The following PAPLN variants were observed in gnomAD, a reference collection of about 807,000 sequenced individuals.
PAPLN encodes papilin.
A neutral mutation model predicts 159.0 loss-of-function variants in PAPLN; 146 were observed. That is an observed-to-expected ratio of 0.92 (90% CI 0.80 to 1.05). The LOEUF is 1.05. PAPLN is among the 50% of genes least tolerant of loss of function. The pLI, the probability that PAPLN is intolerant of heterozygous loss-of-function variation, is 0.00. For missense variants in PAPLN, 1,720 were observed against 1,743.9 expected (o/e 0.99, Z 0.24); for synonymous variants, 734 against 702.9 (o/e 1.04, Z -0.70).
chr14:73,251,668 G>A lies in PAPLN; in HGVS notation c.675G>A (p.Val225=), dbSNP rs1305591940. Residue 225 remains valine (V), a synonymous_variant, in exon 9 of 27, where the codon GTG becomes GTA. Coordinates refer to ENST00000644200, the MANE Select transcript of PAPLN (RefSeq NM_001365906.3). Reference sequence around the variant, plus strand: ...GAGGCGGTCTCCTCTGCGCAGCTGTGAAGAATGTTCGTGGGGAATACTACC... The same window carrying A: ...GAGGCGGTCTCCTCTGCGCAGCTGTAAAGAATGTTCGTGGGGAATACTACC... The part of the protein sequence containing the change: ...EAAASRNFLA[V]KNVRGEYYLN... 3.1e-6 allele frequency: 5 copies of A among 1,613,528 alleles called. No homozygotes were observed. The highest frequency in any genetic ancestry group is 1.7e-6 in the Non-Finnish European group (2 of 1,179,996).
At chr14:73,271,082 C>CT (rs1019175146) in intron 26 of PAPLN, among the ~76,000 whole-genome samples, 28 of 152,232 alleles carry the variant, frequency 1.8e-4, no homozygotes, top group African/African-American at 6.7e-4. Flanking sequence ...GCTTAAGCAA[C>CT]TTGCCCAGAG....
chr14:73,258,293 C>T (rs1886154258), intron 14 of PAPLN, among the ~76,000 whole-genome samples: 1 of 152,058 alleles, frequency 6.6e-6, no homozygotes, highest in Non-Finnish European at 1.5e-5. Flanking sequence ...TGTTGAGTAT[C>T]TTTTTACGTG....
Position 73,245,909 on chromosome 14 carries a change from G to GGC in PAPLN, c.232-163_232-162dup. On this transcript the variant is annotated intron_variant, in intron 4 of 26. Coordinates refer to ENST00000644200, the MANE Select transcript of PAPLN (RefSeq NM_001365906.3). The surrounding 1 kb of genome is among the most constrained non-coding windows in gnomAD (Gnocchi z 4.2). ...TCCACAGCCTAGAGCACCATGGAGG[G>GGC]GCACGCACAGGAGTTCGGGGGTCCG... 3 of 873,490 alleles carry GGC rather than the reference G, an allele frequency of 3.4e-6. No individual in the cohort carries two copies. The highest frequency in any genetic ancestry group is 5.1e-6 in the Non-Finnish European group (3 of 589,132). 54.1% of individuals were successfully genotyped at this position (873,490 alleles called of 1,614,324 possible).
rs371697848 is a variant in PAPLN, at chr14:73,260,807, G to C, written c.2084G>C (p.Arg695Thr). Residue 695 changes from arginine to threonine, a missense_variant, in exon 17 of 27, where the codon AGG (arginine) becomes ACG (threonine). Arg to Thr is a moderately conservative substitution (Grantham distance 71). Transcript: ENST00000644200. ...YGGDSTGGMP[R>T]SRAVASTVHN... Reference sequence around the variant, plus strand: ...GGTGACAGCACCGGGGGCATGCCCAGGTCAAGGGCAGTGGCTTCTACAGTA... The same window carrying C: ...GGTGACAGCACCGGGGGCATGCCCACGTCAAGGGCAGTGGCTTCTACAGTA... 1.3e-6 allele frequency: 2 copies of C among 1,495,396 alleles called. No homozygotes were observed. Among genetic ancestry groups the C allele is most frequent in the African/African-American group, 1.4e-5 (1 of 70,648 alleles). The allele number at this position is 1,495,396 out of a possible 1,614,324, so 92.6% of individuals were successfully genotyped here.
chr14:73,264,064 C>A (rs759046612), intron 20 of PAPLN, 147 bp from the exon 21 acceptor site: 5 of 1,548,454 alleles, frequency 3.2e-6, no homozygotes, highest in Non-Finnish European at 4.3e-6. Flanking sequence ...ACAGCCTCCC[C>A]TGAAGCATAT....
At position 73,273,132 on chromosome 14, in the gene PAPLN, A is replaced by G. The variant is rs1364107576; in HGVS notation, c.*468A>G. ...GTAGCTAGGATTACAGATGCCTATC[A>G]CCATGCCTGGGTAATTTTTGTATTT... On this transcript the variant is annotated 3_prime_UTR_variant, in exon 27 of 27. Transcript: ENST00000644200. 1 of 151,888 alleles carries G rather than the reference A, an allele frequency of 6.6e-6. No homozygotes were observed. Among genetic ancestry groups the G allele is most frequent in the Non-Finnish European group, 1.5e-5 (1 of 68,232 alleles). The allele number at this position is 151,888 out of a possible 1,614,324, so 9.4% of individuals were successfully genotyped here.
Position 73,251,577 on chromosome 14 carries a change from A to G in PAPLN, c.670+11A>G, listed in dbSNP as rs1566682476. ...GCAGGAACTTCCTGGGTGAGAGCCTAGGGTTAGGTCCTAGGCAGGTCTGGG... is the reference window on the plus strand; with the variant it reads ...GCAGGAACTTCCTGGGTGAGAGCCTGGGGTTAGGTCCTAGGCAGGTCTGGG... On this transcript the variant is annotated intron_variant, in intron 8 of 26. Transcript: ENST00000644200. The G allele has an allele frequency of 6.2e-7, 1 of 1,613,136 alleles. No homozygotes were observed. Among genetic ancestry groups the G allele is most frequent in the East Asian group, 2.2e-5 (1 of 44,876 alleles).
At chr14:73,241,305 C>T (rs1048453190) in intron 2 of PAPLN, among the ~76,000 whole-genome samples, 5 of 152,342 alleles carry the variant, frequency 3.3e-5, no homozygotes, top group Non-Finnish European at 7.4e-5. Context: ...TCCTTCACCA[C>T]GTGCTGGTGG....
chr14:73,238,253 G>A (rs998870716), intron 1 of PAPLN, among the ~76,000 whole-genome samples: 1 of 152,210 alleles, frequency 6.6e-6, no homozygotes, highest in African/African-American at 2.4e-5. Context: ...GCCGCCTTCG[G>A]CCCTAGCTCA....
Position 73,261,171 on chromosome 14 carries a change from C to A in PAPLN, c.2122C>A (p.Gln708Lys). 6.2e-7 allele frequency: 1 copy of A among 1,614,166 alleles called. No homozygotes were observed. The highest frequency in any genetic ancestry group is 8.5e-7 in the Non-Finnish European group (1 of 1,180,036). The change falls in exon 18 of 27, where the codon CAG (glutamine) becomes AAG (lysine). Residue 708 changes from glutamine (Q) to lysine (K), a missense_variant. Transcript: ENST00000644200. Reference protein sequence around the residue: ...AVASTVHNTHQPQAQQNEPSE... With the variant: ...AVASTVHNTHKPQAQQNEPSE... Reference sequence around the variant, plus strand: ...TCCTCCCCAGGTCCACAACACCCACCAGCCCCAGGCCCAGCAGAATGAGCC... The same window carrying A: ...TCCTCCCCAGGTCCACAACACCCACAAGCCCCAGGCCCAGCAGAATGAGCC...
chr14:73,246,538 TTTTC>T (rs1417803615), intron 5 of PAPLN, among the ~76,000 whole-genome samples: 2 of 150,398 alleles, frequency 1.3e-5, no homozygotes, highest in African/African-American at 2.4e-5. Flanking sequence ...AGGTCTCTCT[TTTTC>T]TTTATCTTTT....
intron 10 of PAPLN, 44 bp downstream of exon 10, chr14:73,252,185 C>A: frequency 6.5e-7 from 1 of 1,528,426 alleles, no homozygotes; most frequent in Non-Finnish European, 8.8e-7. Flanking sequence ...GCCCTGTGTG[C>A]TGGATCCCAC....
chr14:73,256,481 G>A (rs7493181), intron 14 of PAPLN, among the ~76,000 whole-genome samples: 80,954 of 146,632 alleles, frequency 0.55, 22,726 homozygotes, highest in East Asian at 0.71. Context: ...GCAGTGAGCC[G>A]AGATCACGCC....
chr14:73,254,939 C>G lies in PAPLN; in HGVS notation c.1548C>G (p.Pro516=), dbSNP rs1451183833. 1.9e-6 allele frequency: 3 copies of G among 1,613,574 alleles called. No individual in the cohort carries two copies. In the South Asian group the frequency reaches 3.3e-5, roughly 18 times the overall value. The change falls in exon 14 of 27, where the codon CCC becomes CCG. Residue 516 remains proline, a synonymous_variant. Transcript: ENST00000644200. ...RRQVICAIGP[P]SHCGSLQHSK... ...AGGTCATCTGTGCCATTGGGCCGCCCAGCCACTGCGGGAGCCTGCAGCACT... is the reference window on the plus strand; with the variant it reads ...AGGTCATCTGTGCCATTGGGCCGCCGAGCCACTGCGGGAGCCTGCAGCACT...
chr14:73,252,749 T>A lies in PAPLN; in HGVS notation c.1068T>A (p.Asn356Lys), dbSNP rs762035854. Residue 356 changes from asparagine to lysine, a missense_variant, in exon 11 of 27, where the codon AAT (asparagine) becomes AAA (lysine). Transcript: ENST00000644200. The stretch of plus-strand genomic sequence containing the variant: ...GGCCAGCTGACCGGCGTTCCTGCAA[T>A]CTTCACCCTTGCCCGGAGACCAAGC... ...QPRPADRRSC[N>K]LHPCPETKRW... 24 of 1,613,422 alleles carry A rather than the reference T, an allele frequency of 1.5e-5. No homozygotes were observed. Among genetic ancestry groups the A allele is most frequent in the Non-Finnish European group, 2.0e-5 (24 of 1,180,004 alleles).
intron 14 of PAPLN, among the ~76,000 whole-genome samples, chr14:73,257,412 G>GA (rs1886040248): frequency 1.3e-5 from 2 of 151,098 alleles, no homozygotes; most frequent in South Asian, 2.1e-4. Flanking sequence ...ATTATTTCAG[G>GA]GGGGGTCCTA....
Position 73,263,653 on chromosome 14 carries a change from T to G in PAPLN, c.2732T>G (p.Leu911Trp). Residue 911 changes from leucine (L) to tryptophan (W), a missense_variant, in exon 20 of 27, where the codon TTG becomes TGG. Coordinates refer to ENST00000644200, the MANE Select transcript of PAPLN (RefSeq NM_001365906.3). ...ACTTCCCACCTCTCCAGGATTAGCTTGGCAGGTGTGGAGCCCTCGTTGGTG... is the reference window on the plus strand; with the variant it reads ...ACTTCCCACCTCTCCAGGATTAGCTGGGCAGGTGTGGAGCCCTCGTTGGTG... ...PFHSSSYRISLAGVEPSLVQA... is the reference protein window; with the variant it reads ...PFHSSSYRISWAGVEPSLVQA... 1.2e-6 allele frequency: 2 copies of G among 1,613,772 alleles called. No individual in the cohort carries two copies. Among genetic ancestry groups the G allele is most frequent in the Non-Finnish European group, 1.7e-6 (2 of 1,179,980 alleles).
chr14:73,255,816 T>C (rs1359556321), intron 14 of PAPLN, among the ~76,000 whole-genome samples: 1 of 152,190 alleles, frequency 6.6e-6, no homozygotes, highest in African/African-American at 2.4e-5. Context: ...TAAGAACCAG[T>C]GGCCTCAGAG....
Position 73,265,298 on chromosome 14 carries a change from G to A in PAPLN, c.3126-72G>A, listed in dbSNP as rs777929313. 35 of 1,564,716 alleles carry A rather than the reference G, an allele frequency of 2.2e-5. No homozygotes were observed. Among genetic ancestry groups the A allele is most frequent in the Non-Finnish European group, 2.8e-5 (32 of 1,159,734 alleles). On this transcript the variant is annotated intron_variant, in intron 22 of 26. Transcript: ENST00000644200. This position sits in a 1 kb window ranked among gnomAD's most constrained non-coding sequence, Gnocchi z 4.1. ...AGGGAGAAGGGGCCACCAGGCTTGT[G>A]CAGAGGTGCCCATGGGAGTAGGCGG...
Sources: allele counts gnomAD v4.1 joint callset (sites outside exome capture counted in the v4.1 genomes callset), GRCh38; gene constraint gnomAD v4.1.1; non-coding constraint Gnocchi (gnomAD v3.1); transcripts MANE v1.5; gene names NCBI Gene and HGNC (gene_info 2026-07-23, HGNC 2026-07-21).